Variants in TRPV6 observed in about 807,000 individuals in gnomAD.
TRPV6 encodes transient receptor potential cation channel subfamily V member 6, also known as Alu-binding protein with zinc finger domain.
TRPV6 carries 39 observed loss-of-function variants against 79.0 expected under a neutral mutation model. The ratio of observed to expected loss-of-function variants is 0.49; its 90% confidence interval spans 0.38 to 0.64. The LOEUF is 0.64. TRPV6 is among the 30% of genes least tolerant of loss of function. The pLI, the probability that TRPV6 is intolerant of heterozygous loss-of-function variation, is 0.00. For missense variants in TRPV6, 813 were observed against 1,011.1 expected (o/e 0.80, Z 2.66); for synonymous variants, 373 against 391.9 (o/e 0.95, Z 0.57).
At position 142,874,476 on chromosome 7, in the gene TRPV6, G is replaced by C. The variant is rs761023320; in HGVS notation, c.1572+15C>G. 1.2e-6 allele frequency: 2 copies of C among 1,613,664 alleles called. No homozygotes were observed. The highest frequency in any genetic ancestry group is 2.2e-5 in the South Asian group (2 of 91,064). The stretch of plus-strand genomic sequence containing the variant: ...TCTGGGGCCTTTCTCTAGGGAGCTT[G>C]GGGGGAGGACTGACCTTCTGAATCA... On this transcript the variant is annotated intron_variant, in intron 11 of 14. Coordinates refer to ENST00000359396, the MANE Select transcript of TRPV6 (RefSeq NM_018646.6).
rs775793312 is a variant in TRPV6 at position 142,874,911 on chromosome 7, C to T, written c.1399G>A (p.Val467Ile). 1.2e-6 allele frequency: 2 copies of T among 1,614,132 alleles called. No individual in the cohort carries two copies. Among genetic ancestry groups the T allele is most frequent in the South Asian group, 1.1e-5 (1 of 91,078 alleles). The change falls in exon 10 of 15, where the codon GTC becomes ATC. Residue 467 changes from valine to isoleucine, a missense_variant. Physicochemically the swap from Val to Ile is conservative, Grantham distance 29 (BLOSUM62 3). Coordinates refer to ENST00000359396, the MANE Select transcript of TRPV6 (RefSeq NM_018646.6). ...GAGAGGAAGGAAACTCACATGAGGACATGGAATGGGCCCCCAAGGATGGTC... is the reference window on the plus strand; with the variant it reads ...GAGAGGAAGGAAACTCACATGAGGATATGGAATGGGCCCCCAAGGATGGTC...
chr7:142,875,334 G>T, intron 8 of TRPV6, 134 bp downstream of exon 8: 1 of 1,236,822 alleles, frequency 8.1e-7, no homozygotes, highest in Non-Finnish European at 1.1e-6. Context: ...TTGTGGGCGT[G>T]CATTTGGAGT....
intron 4 of TRPV6, 113 bp downstream of exon 4, chr7:142,877,029 C>A: frequency 6.8e-7 from 1 of 1,474,842 alleles, no homozygotes. Flanking sequence ...AAGGATTGCT[C>A]CTCCCAGCTG....
chr7:142,871,780 G>T lies in TRPV6; in HGVS notation c.2225C>A (p.Thr742Asn), dbSNP rs1586183749. 17 of 1,614,178 alleles carry T rather than the reference G, an allele frequency of 1.1e-5. No individual in the cohort carries two copies. The highest frequency in any genetic ancestry group is 1.4e-5 in the Non-Finnish European group (17 of 1,180,026). ...TATCCCACGCAGGTCTCTCCTCAGG[G>T]TCCCTTGCCGAAGCCTTTCCCAATT... The change falls in exon 15 of 15, where the codon ACC becomes AAC. Residue 742 changes from threonine to asparagine, a missense_variant. This residue lies in a region of TRPV6 where 164 missense variants were observed against 186.1 expected (regional missense o/e 0.88). Transcript: ENST00000359396.
Position 142,874,622 on chromosome 7 carries a change from C to G in TRPV6, c.1441G>C (p.Val481Leu), listed in dbSNP as rs377252189. The G allele has an allele frequency of 6.2e-7, 1 of 1,614,062 alleles. No individual in the cohort carries two copies. The highest frequency in any genetic ancestry group is 1.6e-4 in the Middle Eastern group (1 of 6,062). Residue 481 changes from valine to leucine, a missense_variant, in exon 11 of 15, where the codon GTG (valine) becomes CTG (leucine). Around this residue, in one of 3 missense-constraint regions of TRPV6, gnomAD observed 555 missense variants for 631.0 expected, o/e 0.88. Transcript: ENST00000359396. ...CCGCTGGCACTGATGAGCCGCATCACCATGGTCACCAGCACCATGAAGGCA... is the reference window on the plus strand; with the variant it reads ...CCGCTGGCACTGATGAGCCGCATCAGCATGGTCACCAGCACCATGAAGGCA...
chr7:142,880,789 A>G (rs1795176519), intron 1 of TRPV6: 4 of 152,200 alleles, frequency 2.6e-5, no homozygotes, highest in Admixed American at 1.3e-4. Flanking sequence ...TTTGAATGTC[A>G]GATGCACAAT....
intron 1 of TRPV6, chr7:142,884,352 C>T (rs1198963574): frequency 1.3e-5 from 2 of 152,288 alleles, no homozygotes; most frequent in Non-Finnish European, 2.9e-5. Flanking sequence ...AAAGCAGGCT[C>T]CTACTCTTGG....
At position 142,871,881 on chromosome 7, in the gene TRPV6, C is replaced by T; in HGVS notation, c.2124G>A (p.Glu708=). 6.2e-7 allele frequency: 1 copy of T among 1,614,194 alleles called. No individual in the cohort carries two copies. The highest frequency in any genetic ancestry group is 8.5e-7 in the Non-Finnish European group (1 of 1,180,012). ...GGTGGGGGCTGAAGGGACAGCCCAG[C>T]TCTAGTTTTTCCACTGAGTCTTTGT... Residue 708 remains glutamate (E), a synonymous_variant, in exon 15 of 15, where the codon GAG becomes GAA. Coordinates refer to ENST00000359396, the MANE Select transcript of TRPV6 (RefSeq NM_018646.6).
chr7:142,878,284 G>A (rs1044304379), intron 1 of TRPV6: 7 of 548,488 alleles, frequency 1.3e-5, no homozygotes, highest in Non-Finnish European at 2.0e-5. Context: ...CGGGTCCTGG[G>A]ACCAGAATGT....
At chr7:142,885,296 G>C (rs959120375) in intron 1 of TRPV6, 93 bp downstream of exon 1, 4 of 1,450,044 alleles carry the variant, frequency 2.8e-6, no homozygotes, top group Non-Finnish European at 3.7e-6. Flanking sequence ...TCCAGCCAAA[G>C]GTGCCAAACA....
Position 142,873,317 on chromosome 7 carries a change from A to G in TRPV6, c.1908+131T>C. ...TAATCAGTGCTTCTGTACATTTTGC[A>G]TGATTTTGCTAGCTTTGCCACAACT... On this transcript the variant is annotated intron_variant, in intron 13 of 14. Transcript: ENST00000359396. This position sits in a 1 kb window ranked among gnomAD's most constrained non-coding sequence, Gnocchi z 4.8. 1 of 1,296,296 alleles carries G rather than the reference A, an allele frequency of 7.7e-7. No homozygotes were observed. The allele number at this position is 1,296,296 out of a possible 1,614,324, so 80.3% of individuals were successfully genotyped here. A position where few individuals can be genotyped will look rare whatever the true frequency, so the allele number is the denominator to read the frequency against.
At chr7:142,883,998 C>G (rs372548517) in intron 1 of TRPV6, 1 of 152,528 alleles carries the variant, frequency 6.6e-6, no homozygotes, top group African/African-American at 2.4e-5. Context: ...CTCCCCTCTG[C>G]TCTCCCCTGA....
At chr7:142,877,451 C>T in intron 3 of TRPV6, 172 bp from the exon 4 acceptor site, 3 of 1,458,508 alleles carry the variant, frequency 2.1e-6, no homozygotes, top group Non-Finnish European at 2.7e-6. Flanking sequence ...TCTTCCTCTT[C>T]TCTAGGCCCC....
At position 142,877,989 on chromosome 7, in the gene TRPV6, T is replaced by C; in HGVS notation, c.286A>G (p.Asn96Asp). The stretch of plus-strand genomic sequence containing the variant: ...AACTTGTTCAGGGCCTGGACATCAT[T>C]ATCTTTGGCAGCTAGAAGGAGAGGA... The change falls in exon 2 of 15, where the codon AAT becomes GAT. Residue 96 changes from asparagine to aspartate, a missense_variant. Asn to Asp is a conservative substitution (Grantham distance 23). Around this residue, in one of 3 missense-constraint regions of TRPV6, gnomAD observed 555 missense variants for 631.0 expected, o/e 0.88. Coordinates refer to ENST00000359396, the MANE Select transcript of TRPV6 (RefSeq NM_018646.6). The C allele has an allele frequency of 6.2e-7, 1 of 1,614,168 alleles. No homozygotes were observed. Among genetic ancestry groups the C allele is most frequent in the Non-Finnish European group, 8.5e-7 (1 of 1,180,024 alleles).
At chr7:142,879,005 A>G (rs1389489380) in intron 1 of TRPV6, 1 of 152,210 alleles carries the variant, frequency 6.6e-6, no homozygotes, top group East Asian at 1.9e-4. Flanking sequence ...CAAACAGCTC[A>G]CATTAAAGTT....
At chr7:142,872,541 G>A in intron 13 of TRPV6, 63 bp from the exon 14 acceptor site, 1 of 1,528,178 alleles carries the variant, frequency 6.5e-7, no homozygotes, top group South Asian at 1.2e-5. Context: ...GGTAGGGGTA[G>A]GGCAGCCTTT....
At position 142,877,389 on chromosome 7, in the gene TRPV6, C is replaced by T. The variant is rs1161702872; in HGVS notation, c.470-110G>A. ...CTCAGGGGTAGCCTGGGATGGAGAA[C>T]AGGGAGCTCTCGGGTGTTCAGGATT... On this transcript the variant is annotated intron_variant, in intron 3 of 14. Coordinates refer to ENST00000359396, the MANE Select transcript of TRPV6 (RefSeq NM_018646.6). 3.9e-6 allele frequency: 6 copies of T among 1,539,632 alleles called. 1 individual carries two copies. The East Asian group carries it at 6.9e-5, about 18-fold the overall frequency.
chr7:142,877,390 A>T (rs1795099000), intron 3 of TRPV6, 111 bp from the exon 4 acceptor site: 3 of 1,537,796 alleles, frequency 2.0e-6, no homozygotes, highest in African/African-American at 2.7e-5. Flanking sequence ...GATGGAGAAC[A>T]GGGAGCTCTC....
chr7:142,881,318 C>A (rs1795186693), intron 1 of TRPV6: 1 of 152,164 alleles, frequency 6.6e-6, no homozygotes, highest in Non-Finnish European at 1.5e-5. Context: ...CACATGACAG[C>A]CCTCACTGCA....
Sources: gnomAD v4.1 joint callset for allele counts on GRCh38, gnomAD v4.1.1 for gene constraint, gnomAD v4.1.1 regional missense constraint, Gnocchi (gnomAD v3.1) non-coding constraint, MANE v1.5 for transcripts, NCBI Gene and HGNC (gene_info 2026-07-23, HGNC 2026-07-21) for gene names.